MACF1: variants seen among roughly 807,000 people sequenced by gnomAD.
MACF1 encodes microtubule actin crosslinking factor 1.
Under a neutral mutation model 854.8 loss-of-function variants are expected in MACF1, and 193 were observed. That is an observed-to-expected ratio of 0.23 (90% CI 0.20 to 0.25). The LOEUF is 0.25. Among genes scored for constraint, MACF1 ranks in the 10% least tolerant of loss-of-function variants. The pLI, the probability that MACF1 is intolerant of heterozygous loss-of-function variation, is 1.00. For synonymous variants in MACF1, 3,185 were observed against 3,226.7 expected, an observed-to-expected ratio of 0.99 and a Z score of 0.44; for missense variants, 7,722 against 8,929.1, an observed-to-expected ratio of 0.86 and a Z score of 5.45.
chr1:39,148,726 T>G (rs1643514557), intron 2 of MACF1, among the ~76,000 whole-genome samples: 1 of 152,242 alleles, frequency 6.6e-6, no homozygotes, highest in Non-Finnish European at 1.5e-5. Context: ...TTGCACTGTT[T>G]GGTGTTATGA....
In MACF1 at chr1:39,335,144, A is replaced by G. The variant is rs761620194; in HGVS notation, c.8556A>G (p.Gln2852=). ...ISLKEFGCKD[Q]RKPRMSSDAK... ...TAAAGGAATTTGGGTGCAAGGATCAACGTAAGCCAAGAATGTCTTCAGATG... is the reference window on the plus strand; with the variant it reads ...TAAAGGAATTTGGGTGCAAGGATCAGCGTAAGCCAAGAATGTCTTCAGATG... Residue 2852 remains glutamine (Q), a synonymous_variant, in exon 37 of 101, where the codon CAA becomes CAG. Transcript: ENST00000564288. 1.8e-5 allele frequency: 29 copies of G among 1,614,040 alleles called. No individual in the cohort carries two copies. The South Asian group carries it at 3.0e-4, about 16-fold the overall frequency.
At chr1:39,133,324 C>T (rs1340851379) in intron 2 of MACF1, among the ~76,000 whole-genome samples, 10 of 152,222 alleles carry the variant, frequency 6.6e-5, no homozygotes, top group Non-Finnish European at 1.3e-4. Context: ...TGGCCTGTTC[C>T]TGATCCATCT....
chr1:39,143,623 A>G (rs1643395811), intron 2 of MACF1, among the ~76,000 whole-genome samples: 1 of 152,086 alleles, frequency 6.6e-6, no homozygotes, highest in Non-Finnish European at 1.5e-5. Flanking sequence ...TGTTAAGTAT[A>G]CTTCTTATGC....
chr1:39,101,226 A>C (rs930020162), intron 2 of MACF1, among the ~76,000 whole-genome samples: 16 of 151,194 alleles, frequency 1.1e-4, no homozygotes, highest in Non-Finnish European at 2.4e-4. Context: ...GCATGGTGGC[A>C]GGCGCCTGTA....
chr1:39,447,932 AGAGTCTTGGGCTGCATGTATT>A, intron 82 of MACF1, 34 bp downstream of exon 82: 1 of 1,612,886 alleles, frequency 6.2e-7, no homozygotes, highest in Non-Finnish European at 8.5e-7. Context: ...AATTCACTGA[AGAGTCTTGGGCTGCATGTATT>A]GAGTCTCTGG....
intron 27 of MACF1, 58 bp downstream of exon 27, chr1:39,315,749 G>C (rs563554344): frequency 4.6e-6 from 7 of 1,532,834 alleles, no homozygotes; most frequent in African/African-American, 2.7e-5. Flanking sequence ...ATAAGAAAGA[G>C]AAAGGCTTAA....
At chr1:39,342,463 C>T (rs114802940) in intron 40 of MACF1, among the ~76,000 whole-genome samples, 2,481 of 151,868 alleles carry the variant, frequency 0.016, 74 homozygotes, top group African/African-American at 0.057. Flanking sequence ...CCTGTGAAAT[C>T]GCCGCAGTGC....
chr1:39,459,784 A>G (rs1644517274), intron 91 of MACF1: 6 of 1,293,314 alleles, frequency 4.6e-6, no homozygotes, highest in South Asian at 1.2e-5. Context: ...AGCCTCTAAT[A>G]TCTTTTGTAT....
intron 56 of MACF1, among the ~76,000 whole-genome samples, chr1:39,382,825 A>G (rs183035207): frequency 2.0e-5 from 3 of 152,142 alleles, no homozygotes; most frequent in Admixed American, 2.0e-4. Context: ...CATCATAGAA[A>G]TTTAGGTTGG....
At chr1:39,263,636 C>T (rs930273087) in intron 6 of MACF1, among the ~76,000 whole-genome samples, 1 of 152,080 alleles carries the variant, frequency 6.6e-6, no homozygotes, top group Non-Finnish European at 1.5e-5. Flanking sequence ...TGATGTGTAT[C>T]ATTCCCATAC....
At chr1:39,364,531 C>T (rs1569719908) in intron 49 of MACF1, among the ~76,000 whole-genome samples, 2 of 149,958 alleles carry the variant, frequency 1.3e-5, no homozygotes, top group Admixed American at 6.7e-5. Context: ...CTCGCTCTGT[C>T]GCCCAGGCTG....
intron 93 of MACF1, 68 bp downstream of exon 93, chr1:39,462,105 G>A: frequency 6.7e-7 from 1 of 1,499,960 alleles, no homozygotes; most frequent in Non-Finnish European, 9.2e-7. Flanking sequence ...AATTTGGTTG[G>A]GTTCAGTGAT....
At chr1:39,231,112 AG>A (rs574149073) in intron 1 of MACF1, 69 bp from the exon 2 acceptor site, 19 of 1,110,874 alleles carry the variant, frequency 1.7e-5, no homozygotes, top group Non-Finnish European at 2.6e-5. Flanking sequence ...AGATGTGGGC[AG>A]GGCAGCAGCG....
intron 2 of MACF1, among the ~76,000 whole-genome samples, chr1:39,198,067 A>G (rs917479953): frequency 1.3e-5 from 2 of 151,504 alleles, no homozygotes; most frequent in African/African-American, 4.8e-5. Flanking sequence ...ACGTGGTGGC[A>G]CATGCCTGTA....
chr1:39,304,448 C>T, intron 23 of MACF1: 5 of 1,417,668 alleles, frequency 3.5e-6, no homozygotes, highest in South Asian at 3.4e-5. Flanking sequence ...TCCTTTAGAA[C>T]CTGATCCAAC....
intron 99 of MACF1, 81 bp from the exon 100 acceptor site, chr1:39,484,520 G>C: frequency 1.6e-6 from 2 of 1,263,244 alleles, no homozygotes; most frequent in Non-Finnish European, 1.1e-6. Context: ...ATATAAGGAG[G>C]TGTAAGGAGA....
Position 39,084,355 on chromosome 1 carries a change from A to G in MACF1, c.137A>G (p.Asn46Ser), listed in dbSNP as rs750885153. 1 of 1,613,702 alleles carries G rather than the reference A, an allele frequency of 6.2e-7. No homozygotes were observed. Among genetic ancestry groups the G allele is most frequent in the Non-Finnish European group, 8.5e-7 (1 of 1,179,970 alleles). Residue 46 changes from asparagine (N) to serine (S), a missense_variant, in exon 2 of 94, where the codon AAC becomes AGC. Asn to Ser is a conservative substitution (Grantham distance 46). Coordinates refer to the MACF1 transcript ENST00000361689. The surrounding 1 kb of genome is among the most constrained non-coding windows in gnomAD (Gnocchi z 5.2). ...CCCCCAGGGGACACCTTGCCCTGGA[A>G]CCTGCCACTGCATGAGCAGAAAAAG... is the stretch of plus-strand genomic sequence containing the variant.
Position 39,285,228 on chromosome 1 carries a change from G to A in MACF1, c.1259+18G>A, listed in dbSNP as rs1645620022. ...GTGGAGAGGTGGGTCCAGATCCTGA[G>A]AGTGGTCTGACATTATTTATTGAGC... is the stretch of plus-strand genomic sequence containing the variant. On this transcript the variant is annotated intron_variant, in intron 12 of 100. Transcript: ENST00000564288. 6.2e-7 allele frequency: 1 copy of A among 1,614,098 alleles called. No individual in the cohort carries two copies.
At chr1:39,141,313 C>T (rs954752108) in intron 2 of MACF1, among the ~76,000 whole-genome samples, 4 of 152,286 alleles carry the variant, frequency 2.6e-5, no homozygotes, top group African/African-American at 7.2e-5. Flanking sequence ...GTCCCATCCT[C>T]AGTTCTGATT....
Sources: gnomAD v4.1 joint callset for allele counts (sites outside exome capture counted in the v4.1 genomes callset) on GRCh38, gnomAD v4.1.1 for gene constraint, Gnocchi (gnomAD v3.1) non-coding constraint, MANE v1.5 for transcripts, NCBI Gene and HGNC (gene_info 2026-07-23, HGNC 2026-07-21) for gene names.